Variants in MITF observed in about 807,000 individuals in gnomAD.
The protein encoded by MITF is microphthalmia-associated transcription factor.
Under a neutral mutation model 60.5 loss-of-function variants are expected in MITF, and 17 were observed. That is an observed-to-expected ratio of 0.28 (90% CI 0.19 to 0.42). MITF has a LOEUF of 0.42. Ranked by LOEUF, MITF falls within the 10% of genes least tolerant of loss-of-function variation. The pLI is 1.00. For missense variants in MITF, 622 were observed against 683.5 expected, an observed-to-expected ratio of 0.91 and a Z score of 1.00; for synonymous variants, 260 against 248.5, an observed-to-expected ratio of 1.05 and a Z score of -0.43.
intron 6 of MITF, 66 bp from the exon 7 acceptor site, chr3:69,951,746 T>TCA: frequency 8.5e-7 from 1 of 1,174,456 alleles, no homozygotes; most frequent in Admixed American, 1.7e-5. Flanking sequence ...ATGAGATATT[T>TCA]TGTAGTTTAC....
chr3:69,762,633 T>C (rs2062228683), intron 1 of MITF: 1 of 218,542 alleles, frequency 4.6e-6, no homozygotes, highest in South Asian at 1.8e-4. Flanking sequence ...AAACTAGGTC[T>C]TTACCTATGG....
intron 6 of MITF, among the ~76,000 whole-genome samples, chr3:69,949,603 G>A (rs761695370): frequency 1.5e-4 from 23 of 152,154 alleles, no homozygotes; most frequent in Non-Finnish European, 3.1e-4. Context: ...AATTGGGATA[G>A]CATAAGAATA....
In MITF at chr3:69,739,649, C is replaced by A. The variant is rs201296271; in HGVS notation, c.52C>A (p.His18Asn). 6.3e-7 allele frequency: 1 copy of A among 1,584,600 alleles called. No individual in the cohort carries two copies. The highest frequency in any genetic ancestry group is 1.2e-5 in the South Asian group (1 of 86,674). Reference sequence around the variant, plus strand: ...GGATTTCGAAGTCGGGGAGGAGTTTCATGAAGAGCCCAAAACCTATTACGA... The same window carrying A: ...GGATTTCGAAGTCGGGGAGGAGTTTAATGAAGAGCCCAAAACCTATTACGA... ...VPDFEVGEEF[H>N]EEPKTYYELK... Residue 18 changes from histidine to asparagine, a missense_variant, in exon 1 of 10, where the codon CAT becomes AAT. This residue lies in a region of MITF where 149 missense variants were observed against 157.8 expected (regional missense o/e 0.94). Coordinates refer to ENST00000352241, the MANE Select transcript of MITF (RefSeq NM_001354604.2).
intron 1 of MITF, among the ~76,000 whole-genome samples, chr3:69,875,970 C>A (rs1355523686): frequency 6.6e-6 from 1 of 152,196 alleles, no homozygotes; most frequent in Non-Finnish European, 1.5e-5. Context: ...TGTCAATTAA[C>A]TGAGCTGTGC....
At chr3:69,794,916 G>T (rs533367321) in intron 1 of MITF, among the ~76,000 whole-genome samples, 5 of 152,200 alleles carry the variant, frequency 3.3e-5, no homozygotes, top group South Asian at 2.1e-4. Context: ...AAGTACATTC[G>T]TACTGGGACA....
chr3:69,803,124 C>T (rs1476243915), intron 1 of MITF, among the ~76,000 whole-genome samples: 3 of 152,096 alleles, frequency 2.0e-5, no homozygotes, highest in Non-Finnish European at 4.4e-5. Flanking sequence ...CCAAACCTTA[C>T]TGAGAAATGA....
chr3:69,929,642 G>A (rs575228103), intron 2 of MITF, among the ~76,000 whole-genome samples: 41 of 152,060 alleles, frequency 2.7e-4, no homozygotes, highest in Middle Eastern at 6.8e-3. Flanking sequence ...ACAGAGGTGG[G>A]GTTTTTCTTT....
intron 2 of MITF, among the ~76,000 whole-genome samples, chr3:69,900,122 T>C (rs372797025): frequency 2.8e-4 from 43 of 152,088 alleles, no homozygotes; most frequent in African/African-American, 9.2e-4. Flanking sequence ...GGTGGGGAAA[T>C]AATAGATTTT....
At position 69,949,061 on chromosome 3, in the gene MITF, C is replaced by A; in HGVS notation, c.773C>A (p.Ser258Ter). Residue 258 changes from serine to a stop codon, truncating the protein, a stop_gained, in exon 6 of 10, where the codon TCG becomes TAG. Coordinates refer to ENST00000352241, the MANE Select transcript of MITF (RefSeq NM_001354604.2). LOFTEE classifies it high-confidence loss of function. ...ALQMANTLPVSGNLIDLYGNQ... is the reference protein window; with the variant it reads ...ALQMANTLPV ...TTTGTCTCTCTCTAGTTGCCTGTCT[C>A]GGGAAACTTGATTGATCTTTATGGA... 6.2e-7 allele frequency: 1 copy of A among 1,613,132 alleles called. No homozygotes were observed. The highest frequency in any genetic ancestry group is 8.5e-7 in the Non-Finnish European group (1 of 1,179,354).
intron 2 of MITF, among the ~76,000 whole-genome samples, chr3:69,904,964 TAA>T (rs1281918245): frequency 6.6e-6 from 1 of 152,152 alleles, no homozygotes; most frequent in Non-Finnish European, 1.5e-5. Context: ...TTATTATTTT[TAA>T]AAGTTTTATT....
intron 2 of MITF, among the ~76,000 whole-genome samples, chr3:69,933,012 A>T (rs2107464529): frequency 6.6e-6 from 1 of 152,148 alleles, no homozygotes; most frequent in South Asian, 2.1e-4. Flanking sequence ...CATTTTGTTG[A>T]ATTATTAAAA....
chr3:69,787,151 C>G (rs2062663971), intron 1 of MITF, among the ~76,000 whole-genome samples: 1 of 152,192 alleles, frequency 6.6e-6, no homozygotes, highest in Non-Finnish European at 1.5e-5. Context: ...ATTGGCCACA[C>G]TTAAGTCATG....
chr3:69,784,502 A>G (rs1219265787), intron 1 of MITF, among the ~76,000 whole-genome samples: 1 of 152,182 alleles, frequency 6.6e-6, no homozygotes. Flanking sequence ...AGATTTTGAG[A>G]TCTCTTAGTA....
intron 1 of MITF, among the ~76,000 whole-genome samples, chr3:69,795,468 A>G (rs894038865): frequency 2.0e-5 from 3 of 152,186 alleles, no homozygotes; most frequent in African/African-American, 7.2e-5. Context: ...GCTTATTCCT[A>G]TAATCTTAGC....
chr3:69,785,820 G>A (rs2062639671), intron 1 of MITF, among the ~76,000 whole-genome samples: 2 of 152,132 alleles, frequency 1.3e-5, no homozygotes, highest in African/African-American at 4.8e-5. Flanking sequence ...AGGAATCGTG[G>A]GAGGTGAAAG....
At chr3:69,838,350 G>A (rs1411293052) in intron 1 of MITF, among the ~76,000 whole-genome samples, 1 of 107,752 alleles carries the variant, frequency 9.3e-6, no homozygotes, top group Non-Finnish European at 2.4e-5. Flanking sequence ...CACTAATTTT[G>A]CTAAAAAAAA....
chr3:69,874,006 A>G (rs2064296170), intron 1 of MITF, among the ~76,000 whole-genome samples: 1 of 152,162 alleles, frequency 6.6e-6, no homozygotes, highest in South Asian at 2.1e-4. Context: ...AGCTTAACCC[A>G]TACATGACAT....
chr3:69,950,022 A>T (rs918451220), intron 6 of MITF, among the ~76,000 whole-genome samples: 2 of 152,112 alleles, frequency 1.3e-5, no homozygotes, highest in Admixed American at 1.3e-4. Flanking sequence ...TTTTTTAAAA[A>T]CCATGGATTT....
At chr3:69,837,747 C>T (rs979396562) in intron 1 of MITF, among the ~76,000 whole-genome samples, 10 of 152,052 alleles carry the variant, frequency 6.6e-5, no homozygotes, top group African/African-American at 2.4e-4. Flanking sequence ...CTTCATTGTT[C>T]CACTTAATTG....
Sources: allele counts gnomAD v4.1 joint callset (sites outside exome capture counted in the v4.1 genomes callset), GRCh38; gene constraint gnomAD v4.1.1; regional missense constraint gnomAD v4.1.1; transcripts MANE v1.5; gene names NCBI Gene and HGNC (gene_info 2026-07-23, HGNC 2026-07-21).